Variants in PRPF8 observed in about 807,000 individuals in gnomAD.
The protein encoded by PRPF8 is pre-mRNA-processing-splicing factor 8.
A neutral mutation model predicts 285.9 loss-of-function variants in PRPF8; 64 were observed. The ratio of observed to expected loss-of-function variants is 0.22; its 90% confidence interval spans 0.18 to 0.28. PRPF8 has a LOEUF of 0.28. Ranked by LOEUF, PRPF8 falls within the 10% of genes least tolerant of loss-of-function variation. PRPF8 has a pLI of 1.00. For synonymous variants in PRPF8, 1,325 were observed against 1,118.2 expected, an observed-to-expected ratio of 1.18 and a Z score of -3.69; for missense variants, 1,426 against 3,026.7, an observed-to-expected ratio of 0.47 and a Z score of 12.41.
rs201884524 is a variant in PRPF8 at position 1,653,709 on chromosome 17, A to T, written c.6228-26T>A. 1 of 1,614,148 alleles carries T rather than the reference A, an allele frequency of 6.2e-7. No individual in the cohort carries two copies. Among genetic ancestry groups the T allele is most frequent in the South Asian group, 1.1e-5 (1 of 91,080 alleles). ...CTAAAAACAGGCAGGGAGTGTCAGC[A>T]TCGCTCAGCCCAGCACCTTAGGTAG... On this transcript the variant is annotated intron_variant, in intron 38 of 42. Coordinates refer to ENST00000304992, the MANE Select transcript of PRPF8 (RefSeq NM_006445.4). This position sits in a 1 kb window ranked among gnomAD's most constrained non-coding sequence, Gnocchi z 4.9.
rs190715749 is a variant in PRPF8 at position 1,679,541 on chromosome 17, C to T, written c.1289+68G>A. 2.7e-5 allele frequency: 44 copies of T among 1,600,868 alleles called. No individual in the cohort carries two copies. In the African/African-American group the frequency reaches 4.7e-4, roughly 17 times the overall value. ...AGAATTTAAAAAAAAGGCTACATGC[C>T]CACCTAGTTGGAGTCTTTTCTCCTA... On this transcript the variant is annotated intron_variant, in intron 9 of 42. Coordinates refer to ENST00000304992, the MANE Select transcript of PRPF8 (RefSeq NM_006445.4). This position sits in a 1 kb window ranked among gnomAD's most constrained non-coding sequence, Gnocchi z 4.7.
intron 5 of PRPF8, 21 bp downstream of exon 5, chr17:1,681,799 G>C: frequency 1.2e-6 from 2 of 1,613,362 alleles, no homozygotes; most frequent in Non-Finnish European, 1.7e-6. Context: ...CCCAGGTGTA[G>C]TATCTCCATC....
chr17:1,656,816 C>G (rs1229821978), intron 34 of PRPF8, 55 bp from the exon 35 acceptor site: 2 of 1,431,002 alleles, frequency 1.4e-6, no homozygotes, highest in Non-Finnish European at 2.0e-6. Flanking sequence ...CCCAGATCAA[C>G]TAGAACAGAA....
intron 36 of PRPF8, 44 bp from the exon 37 acceptor site, chr17:1,655,587 G>A (rs1911327719): frequency 6.6e-7 from 1 of 1,505,016 alleles, no homozygotes; most frequent in African/African-American, 1.4e-5. Flanking sequence ...GCTGCTTGAG[G>A]CTCTCCCACT....
rs1390083865 is a variant in PRPF8, at chr17:1,681,993, A to G, written c.480T>C (p.His160=). 8.1e-6 allele frequency: 13 copies of G among 1,613,812 alleles called. No individual in the cohort carries two copies. The South Asian group carries it at 1.2e-4, about 15-fold the overall frequency. Reference sequence around the variant, plus strand: ...AAGGGGGAAAACGCATCCTCTTGAAATGCCTCCTATCTCTTTTTTCTCGGC... The same window carrying G: ...AAGGGGGAAAACGCATCCTCTTGAAGTGCCTCCTATCTCTTTTTTCTCGGC... ...MMRREKRDRR[H]FKRMRFPPFD... The change falls in exon 5 of 43, where the codon CAT becomes CAC. Residue 160 remains histidine (H), a synonymous_variant. Transcript: ENST00000304992.
In PRPF8 at chr17:1,673,754, A is replaced by G. The variant is rs1463323721; in HGVS notation, c.3438T>C (p.Asp1146=). The change falls in exon 22 of 43, where the codon GAT becomes GAC. Residue 1146 remains aspartate (D), a synonymous_variant. Transcript: ENST00000304992. This position sits in a 1 kb window ranked among gnomAD's most constrained non-coding sequence, Gnocchi z 5.5. The part of the protein sequence containing the change: ...RDARMRLMKH[D]VNLGRAVFWD... Reference sequence around the variant, plus strand: ...CCCCAACCTAGACTCACAAGTTAACATCATGTTTCATGAGGCGCATGCGGG... The same window carrying G: ...CCCCAACCTAGACTCACAAGTTAACGTCATGTTTCATGAGGCGCATGCGGG... 1.2e-6 allele frequency: 2 copies of G among 1,613,752 alleles called. No homozygotes were observed. The highest frequency in any genetic ancestry group is 1.7e-6 in the Non-Finnish European group (2 of 1,179,990).
chr17:1,677,698 C>T lies in PRPF8; in HGVS notation c.1855-4G>A, dbSNP rs201225203. 68 of 1,613,660 alleles carry T rather than the reference C, an allele frequency of 4.2e-5. No homozygotes were observed. The African/African-American group carries it at 6.4e-4, about 15-fold the overall frequency. On this transcript the variant is annotated splice_region_variant and splice_polypyrimidine_tract_variant and intron_variant, in intron 13 of 42. Transcript: ENST00000304992. The stretch of plus-strand genomic sequence containing the variant: ...CAGGACCCTTCCCTACAGGGCCCTA[C>T]GATCCCAAGCAGAAGTTAAGAATAC...
chr17:1,651,617 C>A lies in PRPF8; in HGVS notation c.6510+31G>T. On this transcript the variant is annotated intron_variant, in intron 40 of 42. Coordinates refer to ENST00000304992, the MANE Select transcript of PRPF8 (RefSeq NM_006445.4). This position sits in a 1 kb window ranked among gnomAD's most constrained non-coding sequence, Gnocchi z 5.1. ...CAGACAGGAATCGCACCAGCTTTTCCACACTCCCAGGCTCCATCACTCCCC... is the reference window on the plus strand; with the variant it reads ...CAGACAGGAATCGCACCAGCTTTTCAACACTCCCAGGCTCCATCACTCCCC... 1 of 1,614,118 alleles carries A rather than the reference C, an allele frequency of 6.2e-7. No individual in the cohort carries two copies. Among genetic ancestry groups the A allele is most frequent in the Non-Finnish European group, 8.5e-7 (1 of 1,180,034 alleles).
At chr17:1,683,505 A>T in intron 3 of PRPF8, 28 bp downstream of exon 3, 1 of 1,613,768 alleles carries the variant, frequency 6.2e-7, no homozygotes, top group Non-Finnish European at 8.5e-7. Flanking sequence ...CCAAATTCCA[A>T]ATGAAATTAT....
Position 1,679,116 on chromosome 17 carries a change from G to C in PRPF8, c.1500C>G (p.Gly500=). The C allele has an allele frequency of 6.2e-7, 1 of 1,614,174 alleles. No homozygotes were observed. The highest frequency in any genetic ancestry group is 8.5e-7 in the Non-Finnish European group (1 of 1,180,032). Residue 500 remains glycine, a synonymous_variant, in exon 11 of 43, where the codon GGC becomes GGG. Coordinates refer to ENST00000304992, the MANE Select transcript of PRPF8 (RefSeq NM_006445.4). The surrounding 1 kb of genome is among the most constrained non-coding windows in gnomAD (Gnocchi z 4.7). ...GAATGAGAAGGTTGAGCATGTTGTA[G>C]CCCTGGCGGCAAACCTGGAGCCCAA... ...VEVGLQVCRQ[G]YNMLNLLIHR...
intron 20 of PRPF8, among the ~76,000 whole-genome samples, chr17:1,674,944 G>T (rs913026842): frequency 6.6e-6 from 1 of 151,824 alleles, no homozygotes; most frequent in Non-Finnish European, 1.5e-5. Context: ...ACTAATTTTT[G>T]TATTTTTTTA....
chr17:1,679,500 T>A lies in PRPF8; in HGVS notation c.1290-90A>T, dbSNP rs1460778869. On this transcript the variant is annotated intron_variant, in intron 9 of 42. Coordinates refer to ENST00000304992, the MANE Select transcript of PRPF8 (RefSeq NM_006445.4). The surrounding 1 kb of genome is among the most constrained non-coding windows in gnomAD (Gnocchi z 4.7). ...AGCCTTGGGTTGTCTACCATTTTTATGGGAAAAAAAAAAAAAGAATTTAAA... is the reference window on the plus strand; with the variant it reads ...AGCCTTGGGTTGTCTACCATTTTTAAGGGAAAAAAAAAAAAAGAATTTAAA... 6 of 1,567,018 alleles carry A rather than the reference T, an allele frequency of 3.8e-6. No individual in the cohort carries two copies. Among genetic ancestry groups the A allele is most frequent in the Non-Finnish European group, 5.1e-6 (6 of 1,167,086 alleles).
intron 14 of PRPF8, 173 bp from the exon 15 acceptor site, chr17:1,677,345 G>T: frequency 1.0e-6 from 1 of 956,816 alleles, no homozygotes; most frequent in Non-Finnish European, 1.6e-6. Context: ...TCACAACTAT[G>T]CTTCTGAGGA....
intron 21 of PRPF8, 111 bp from the exon 22 acceptor site, chr17:1,674,003 C>G: frequency 8.5e-7 from 1 of 1,183,368 alleles, no homozygotes; most frequent in Non-Finnish European, 1.2e-6. Flanking sequence ...CCCCACCCTC[C>G]CCGGGCTTCA....
At chr17:1,667,452 A>C (rs906549687) in intron 24 of PRPF8, among the ~76,000 whole-genome samples, 1 of 152,052 alleles carries the variant, frequency 6.6e-6, no homozygotes, top group Non-Finnish European at 1.5e-5. Context: ...GTCTACGTGT[A>C]CTAGGTACCA....
intron 24 of PRPF8, among the ~76,000 whole-genome samples, chr17:1,668,481 C>T (rs1912122046): frequency 6.6e-6 from 1 of 151,362 alleles, no homozygotes; most frequent in African/African-American, 2.4e-5. Flanking sequence ...CCTGCATCAG[C>T]CCCCCTGAGT....
rs182400119 is a variant in PRPF8 at position 1,674,124 on chromosome 17, G to A, written c.3300-232C>T. Among the ~76,000 whole-genome samples the A allele has an allele frequency of 5.9e-3, 904 of 152,266 alleles. 9 individuals carry two copies. Among genetic ancestry groups the A allele is most frequent in the Admixed American group, 6.4e-3 (98 of 15,290 alleles). On this transcript the variant is annotated intron_variant, in intron 21 of 42. Coordinates refer to ENST00000304992, the MANE Select transcript of PRPF8 (RefSeq NM_006445.4). ...TGCAAGCTCCGCCTCCCAGGTTCAC[G>A]CCCTTCTCCAGCCTCAGCCTCCGGA...
intron 14 of PRPF8, 70 bp downstream of exon 14, chr17:1,677,495 C>T (rs1463886863): frequency 1.9e-6 from 3 of 1,608,754 alleles, no homozygotes; most frequent in South Asian, 2.2e-5. Context: ...GAGCAGGGAA[C>T]AGACTCAAAC....
chr17:1,653,240 G>A lies in PRPF8; in HGVS notation c.6369+302C>T, dbSNP rs1029423778. The A allele has an allele frequency of 5.8e-6, 3 of 520,250 alleles. No homozygotes were observed. The highest frequency in any genetic ancestry group is 3.6e-5 in the East Asian group (1 of 28,110). 32.2% of individuals were successfully genotyped at this position (520,250 alleles called of 1,614,324 possible). A position where few individuals can be genotyped will look rare whatever the true frequency, so the allele number is the denominator to read the frequency against. ...TAGGCATTAGCCACTGTGCCCAGCC[G>A]AGTGTTGGGATTACAGGCATGAGCC... is the stretch of plus-strand genomic sequence containing the variant. On this transcript the variant is annotated intron_variant, in intron 39 of 42. Coordinates refer to ENST00000304992, the MANE Select transcript of PRPF8 (RefSeq NM_006445.4). The surrounding 1 kb of genome is among the most constrained non-coding windows in gnomAD (Gnocchi z 4.9).
Sources: gnomAD v4.1 joint callset for allele counts (sites outside exome capture counted in the v4.1 genomes callset) on GRCh38, gnomAD v4.1.1 for gene constraint, Gnocchi (gnomAD v3.1) non-coding constraint, MANE v1.5 for transcripts, NCBI Gene and HGNC (gene_info 2026-07-23, HGNC 2026-07-21) for gene names.